The following TNFRSF10B variants were observed in gnomAD, a reference collection of about 807,000 sequenced individuals.
TNFRSF10B encodes TNF receptor superfamily member 10b.
TNFRSF10B carries 35 observed loss-of-function variants against 41.4 expected under a neutral mutation model. The observed-to-expected ratio is 0.85, with a 90% confidence interval of 0.65 to 1.12. TNFRSF10B has a LOEUF of 1.12. Among genes scored for constraint, TNFRSF10B ranks in the 50% most tolerant of loss-of-function variants. TNFRSF10B has a pLI of 0.00. For synonymous variants in TNFRSF10B, 230 were observed against 215.5 expected, an observed-to-expected ratio of 1.07 and a Z score of -0.59; for missense variants, 584 against 552.7, an observed-to-expected ratio of 1.06 and a Z score of -0.57.
In TNFRSF10B at chr8:23,068,989, T is replaced by C. The variant is rs966276616; in HGVS notation, c.-95A>G. The C allele has an allele frequency of 6.3e-7, 1 of 1,595,948 alleles. No individual in the cohort carries two copies. Among genetic ancestry groups the C allele is most frequent in the Non-Finnish European group, 8.6e-7 (1 of 1,169,356 alleles). ...TCGGTGTATTTTGTGGGCGCAGAGATTGCGGGGTTCTCCGGCCGCGTGCTG... is the reference window on the plus strand; with the variant it reads ...TCGGTGTATTTTGTGGGCGCAGAGACTGCGGGGTTCTCCGGCCGCGTGCTG... On this transcript the variant is annotated 5_prime_UTR_variant, in exon 1 of 9. Coordinates refer to ENST00000276431, the MANE Select transcript of TNFRSF10B (RefSeq NM_003842.5).
chr8:23,047,911 T>G (rs916137988), intron 1 of TNFRSF10B, among the ~76,000 whole-genome samples: 5 of 152,246 alleles, frequency 3.3e-5, no homozygotes, highest in Admixed American at 3.3e-4. Context: ...ACTTCCATGT[T>G]CATTGCAGCT....
chr8:23,021,814 C>G lies in TNFRSF10B; in HGVS notation c.*857G>C, dbSNP rs1205414024. ...ATCTGAGGGAGGGCTGGAACCCAGA[C>G]AGTGACATCTTACAGGGGACTTCTT... On this transcript the variant is annotated 3_prime_UTR_variant, in exon 9 of 9. Transcript: ENST00000276431. 1 of 454,054 alleles carries G rather than the reference C, an allele frequency of 2.2e-6. No homozygotes were observed. The highest frequency in any genetic ancestry group is 2.0e-5 in the African/African-American group (1 of 50,024). 28.1% of individuals were successfully genotyped at this position (454,054 alleles called of 1,614,324 possible).
chr8:23,029,444 C>A (rs1453292278), intron 4 of TNFRSF10B, among the ~76,000 whole-genome samples, 166 bp downstream of exon 4: 3 of 151,898 alleles, frequency 2.0e-5, no homozygotes, highest in Non-Finnish European at 4.4e-5. Flanking sequence ...TGGAAAGAGG[C>A]TGCTGCAGGG....
At chr8:23,054,647 G>A (rs889577899) in intron 1 of TNFRSF10B, among the ~76,000 whole-genome samples, 1 of 152,158 alleles carries the variant, frequency 6.6e-6, no homozygotes, top group Non-Finnish European at 1.5e-5. Context: ...CATAATTTGT[G>A]TACATAGACC....
intron 1 of TNFRSF10B, 79 bp from the exon 2 acceptor site, chr8:23,043,322 C>G: frequency 9.0e-7 from 1 of 1,106,284 alleles, no homozygotes; most frequent in South Asian, 1.3e-5. Flanking sequence ...TTCTCTTGAG[C>G]CCAGGCACCC....
chr8:23,058,664 T>C (rs1428735724), intron 1 of TNFRSF10B, among the ~76,000 whole-genome samples: 1 of 152,078 alleles, frequency 6.6e-6, no homozygotes, highest in African/African-American at 2.4e-5. Flanking sequence ...TTTGTATTAT[T>C]AGTAGAGATG....
At chr8:23,040,864 C>G (rs1180243733) in intron 2 of TNFRSF10B, among the ~76,000 whole-genome samples, 1 of 152,008 alleles carries the variant, frequency 6.6e-6, no homozygotes, top group Non-Finnish European at 1.5e-5. Context: ...CATACATAAT[C>G]ATAGTGATTC....
At chr8:23,052,183 G>T (rs1812539500) in intron 1 of TNFRSF10B, among the ~76,000 whole-genome samples, 1 of 151,328 alleles carries the variant, frequency 6.6e-6, no homozygotes, top group South Asian at 2.1e-4. Context: ...AGAATCTAAA[G>T]TTATATTAAA....
chr8:23,052,551 G>A (rs931115556), intron 1 of TNFRSF10B, among the ~76,000 whole-genome samples: 1 of 152,134 alleles, frequency 6.6e-6, no homozygotes, highest in Non-Finnish European at 1.5e-5. Context: ...CTCCCAAAGT[G>A]CTGGGATTAC....
intron 1 of TNFRSF10B, among the ~76,000 whole-genome samples, chr8:23,063,299 G>C (rs1315934253): frequency 6.7e-6 from 1 of 149,200 alleles, no homozygotes. Context: ...AGTGAGCCGA[G>C]ATTGCGCCAT....
At chr8:23,027,625 C>G in intron 6 of TNFRSF10B, 97 bp downstream of exon 6, 3 of 1,548,482 alleles carry the variant, frequency 1.9e-6, no homozygotes, top group Non-Finnish European at 1.8e-6. Context: ...GTCAGGGCAG[C>G]CATGAGGACA....
chr8:23,027,045 G>A, intron 7 of TNFRSF10B, 88 bp downstream of exon 7: 5 of 1,599,292 alleles, frequency 3.1e-6, no homozygotes, highest in Non-Finnish European at 4.3e-6. Flanking sequence ...CCTGGGCCAG[G>A]AGAGCTAAGG....
At chr8:23,063,668 C>T (rs761581796) in intron 1 of TNFRSF10B, among the ~76,000 whole-genome samples, 4 of 152,154 alleles carry the variant, frequency 2.6e-5, no homozygotes, top group African/African-American at 4.8e-5. Flanking sequence ...GCCTCCTTCA[C>T]GATAATGCAA....
chr8:23,027,784 G>C (rs1811753386), intron 5 of TNFRSF10B, 31 bp from the exon 6 acceptor site: 2 of 1,613,932 alleles, frequency 1.2e-6, no homozygotes, highest in Non-Finnish European at 1.7e-6. Context: ...TTAGCAGGAA[G>C]GGAGGGGCCC....
At position 23,050,255 on chromosome 8, in the gene TNFRSF10B, T is replaced by C. The variant is rs996817642; in HGVS notation, c.145-7012A>G. On this transcript the variant is annotated intron_variant, in intron 1 of 8. Coordinates refer to ENST00000276431, the MANE Select transcript of TNFRSF10B (RefSeq NM_003842.5). ...GTTTTGAGAGTCTGTTTTGCCGTAGTGCACTTCCCCTTGGGTTTTTCTGAA... is the reference window on the plus strand; with the variant it reads ...GTTTTGAGAGTCTGTTTTGCCGTAGCGCACTTCCCCTTGGGTTTTTCTGAA... Among the ~76,000 whole-genome samples, 3 of 152,020 alleles carry C rather than the reference T, an allele frequency of 2.0e-5. 1 individual carries two copies. The highest frequency in any genetic ancestry group is 4.4e-5 in the Non-Finnish European group (3 of 68,022).
chr8:23,068,407 G>C, intron 1 of TNFRSF10B: 1 of 394,514 alleles, frequency 2.5e-6, no homozygotes, highest in South Asian at 3.3e-5. Context: ...GAGAAAAAGA[G>C]AAAGAAACAG....
chr8:23,020,921 ATGGAAG>A lies in TNFRSF10B; in HGVS notation c.*1744_*1749del, dbSNP rs1431994088. 2.2e-6 allele frequency: 1 copy of A among 454,114 alleles called. No homozygotes were observed. Among genetic ancestry groups the A allele is most frequent in the East Asian group, 7.0e-5 (1 of 14,388 alleles). 28.1% of individuals were successfully genotyped at this position (454,114 alleles called of 1,614,324 possible). ...CAGGGGACAACGCGTGGGATGCCAG[ATGGAAG>A]TGGGAGAGGATGGAAGTGCAAAGAC... On this transcript the variant is annotated 3_prime_UTR_variant, in exon 9 of 9. Transcript: ENST00000276431.
chr8:23,028,552 A>G lies in TNFRSF10B; in HGVS notation c.527T>C (p.Ile176Thr), dbSNP rs1477633792. ...KVGDCTPWSD[I>T]ECVHKESGTK... ...ACCTGATTCTTTGTGGACACATTCG[A>G]TGTCACTCCAGGGTGTACAATCACC... The change falls in exon 5 of 9, where the codon ATC (isoleucine) becomes ACC (threonine). Residue 176 changes from isoleucine (I) to threonine (T), a missense_variant. Coordinates refer to ENST00000276431, the MANE Select transcript of TNFRSF10B (RefSeq NM_003842.5). 2 of 1,613,802 alleles carry G rather than the reference A, an allele frequency of 1.2e-6. No homozygotes were observed. Among genetic ancestry groups the G allele is most frequent in the African/African-American group, 2.7e-5 (2 of 74,834 alleles).
Position 23,069,008 on chromosome 8 carries a change from C to T in TNFRSF10B, c.-114G>A, listed in dbSNP as rs978595430. On this transcript the variant is annotated 5_prime_UTR_variant, in exon 1 of 9. Transcript: ENST00000276431. The stretch of plus-strand genomic sequence containing the variant: ...CAGAGATTGCGGGGTTCTCCGGCCG[C>T]GTGCTGATTTATGTGTCCAGGCTGA... 3.2e-6 allele frequency: 5 copies of T among 1,546,384 alleles called. No individual in the cohort carries two copies. The African/African-American group carries it at 5.4e-5, about 17-fold the overall frequency.
Sources: gnomAD v4.1 joint callset for allele counts (sites outside exome capture counted in the v4.1 genomes callset) on GRCh38, gnomAD v4.1.1 for gene constraint, MANE v1.5 for transcripts, NCBI Gene and HGNC (gene_info 2026-07-23, HGNC 2026-07-21) for gene names.